The following GABRB1 variants were observed in gnomAD, a reference collection of about 807,000 sequenced individuals.
GABRB1 encodes the protein gamma-aminobutyric acid type A receptor subunit beta1.
GABRB1 carries 17 observed loss-of-function variants against 51.6 expected under a neutral mutation model. The ratio of observed to expected loss-of-function variants is 0.33; its 90% CI spans 0.23 to 0.49. The LOEUF is 0.49. GABRB1 is among the 20% of genes least tolerant of loss of function. The pLI, the probability that GABRB1 is intolerant of heterozygous loss-of-function variation, is 0.99. For synonymous variants in GABRB1, 247 were observed against 218.9 expected, an observed-to-expected ratio of 1.13 and a Z score of -1.14; for missense variants, 410 against 600.6, an observed-to-expected ratio of 0.68 and a Z score of 3.32.
intron 4 of GABRB1, among the ~76,000 whole-genome samples, chr4:47,280,814 A>ATTTTTT (rs750413197): frequency 8.0e-6 from 1 of 124,984 alleles, no homozygotes; most frequent in Non-Finnish European, 1.7e-5. Context: ...TGTCTGGCTA[A>ATTTTTT]TTTTTTTTTT....
intron 4 of GABRB1, among the ~76,000 whole-genome samples, chr4:47,210,428 T>C (rs950044900): frequency 6.6e-6 from 1 of 152,130 alleles, no homozygotes; most frequent in Non-Finnish European, 1.5e-5. Flanking sequence ...CTCAGGGATC[T>C]ACAGATTTTC....
intron 3 of GABRB1, among the ~76,000 whole-genome samples, chr4:47,079,312 G>A (rs771604745): frequency 3.9e-4 from 59 of 152,222 alleles, no homozygotes; most frequent in Admixed American, 7.9e-4. Flanking sequence ...TCTATTCAGA[G>A]ATTCAATTTC....
chr4:47,387,080 A>T (rs1336996329), intron 5 of GABRB1, among the ~76,000 whole-genome samples: 2 of 152,210 alleles, frequency 1.3e-5, no homozygotes, highest in East Asian at 3.9e-4. Context: ...GCCAGTCCAC[A>T]TTTGTCTCAA....
chr4:47,187,461 C>T (rs1719227373), intron 4 of GABRB1, among the ~76,000 whole-genome samples: 1 of 151,806 alleles, frequency 6.6e-6, no homozygotes, highest in Non-Finnish European at 1.5e-5. Context: ...AACAGCAGTT[C>T]CTTGGGATCA....
chr4:47,022,701 G>C (rs1453129982), intron 1 of GABRB1, among the ~76,000 whole-genome samples: 1 of 152,112 alleles, frequency 6.6e-6, no homozygotes, highest in Admixed American at 6.6e-5. Context: ...CACTGTTGGT[G>C]AGAATGTAAA....
chr4:47,293,822 G>C (rs1002432888), intron 4 of GABRB1, among the ~76,000 whole-genome samples: 25 of 152,284 alleles, frequency 1.6e-4, no homozygotes, highest in Admixed American at 1.4e-3. Context: ...TGTAAGCAAA[G>C]TAATGAACTT....
At chr4:47,046,163 G>A (rs919854823) in intron 3 of GABRB1, among the ~76,000 whole-genome samples, 1 of 151,978 alleles carries the variant, frequency 6.6e-6, no homozygotes, top group African/African-American at 2.4e-5. Flanking sequence ...GTTTCCTGAG[G>A]CCTCCCCAGC....
chr4:47,144,445 A>T (rs928588879), intron 3 of GABRB1, among the ~76,000 whole-genome samples: 4 of 151,926 alleles, frequency 2.6e-5, no homozygotes, highest in African/African-American at 9.7e-5. Flanking sequence ...TCATATACCA[A>T]TCACAAAAGT....
chr4:47,204,377 C>T (rs1470624448), intron 4 of GABRB1, among the ~76,000 whole-genome samples: 2 of 152,130 alleles, frequency 1.3e-5, no homozygotes, highest in African/African-American at 2.4e-5. Context: ...CACAATGGTG[C>T]TTGCACTTTA....
intron 3 of GABRB1, among the ~76,000 whole-genome samples, chr4:47,113,812 T>A (rs1355459713): frequency 6.6e-6 from 1 of 152,262 alleles, no homozygotes; most frequent in African/African-American, 2.4e-5. Flanking sequence ...AAATATTTTC[T>A]ATTTTTCAAT....
intron 4 of GABRB1, among the ~76,000 whole-genome samples, chr4:47,204,043 G>C (rs1720014034): frequency 6.6e-6 from 1 of 152,130 alleles, no homozygotes; most frequent in African/African-American, 2.4e-5. Context: ...AGAAGATAAA[G>C]GCTGAGAAAT....
rs1444913082 is a variant in GABRB1 at position 47,161,296 on chromosome 4, G to A, written c.288G>A (p.Arg96=). The A allele has an allele frequency of 1.9e-6, 3 of 1,611,932 alleles. No individual in the cohort carries two copies. The highest frequency in any genetic ancestry group is 1.7e-6 in the Non-Finnish European group (2 of 1,179,102). The change falls in exon 4 of 9, where the codon AGG becomes AGA. Residue 96 remains arginine (R), a synonymous_variant. Coordinates refer to ENST00000295454, the MANE Select transcript of GABRB1 (RefSeq NM_000812.4). ...MYFQQSWKDK[R]LSYSGIPLNL... is the part of the protein sequence containing the mutation. ...TCCAGCAGTCTTGGAAAGACAAAAGGCTTTCTTATTCTGGAATCCCACTGA... is the reference window on the plus strand; with the variant it reads ...TCCAGCAGTCTTGGAAAGACAAAAGACTTTCTTATTCTGGAATCCCACTGA...
chr4:47,133,512 T>C (rs779884496), intron 3 of GABRB1, among the ~76,000 whole-genome samples: 4 of 152,216 alleles, frequency 2.6e-5, no homozygotes, highest in Non-Finnish European at 5.9e-5. Context: ...TTATTTATTA[T>C]TTAATTCAGT....
intron 4 of GABRB1, among the ~76,000 whole-genome samples, chr4:47,224,866 A>C (rs1720894092): frequency 6.6e-6 from 1 of 151,748 alleles, no homozygotes; most frequent in Non-Finnish European, 1.5e-5. Context: ...TTTCTCATGC[A>C]TTTTGTCTTT....
At chr4:47,344,339 G>T (rs897358366) in intron 5 of GABRB1, among the ~76,000 whole-genome samples, 1 of 152,178 alleles carries the variant, frequency 6.6e-6, no homozygotes, top group African/African-American at 2.4e-5. Flanking sequence ...CTGTGTTCGG[G>T]TATAAAAAGA....
chr4:47,258,010 T>C (rs13135937), intron 4 of GABRB1, among the ~76,000 whole-genome samples: 2 of 152,172 alleles, frequency 1.3e-5, no homozygotes, highest in Admixed American at 1.3e-4. Flanking sequence ...AACAAACTTG[T>C]ACATGATGTA....
intron 3 of GABRB1, among the ~76,000 whole-genome samples, chr4:47,137,884 A>G (rs898374615): frequency 2.0e-5 from 3 of 152,162 alleles, no homozygotes; most frequent in African/African-American, 7.2e-5. Context: ...ATATATAAAC[A>G]AAGGAATGCA....
At chr4:47,258,644 A>G (rs530568301) in intron 4 of GABRB1, among the ~76,000 whole-genome samples, 54 of 152,332 alleles carry the variant, frequency 3.5e-4, no homozygotes, top group African/African-American at 1.3e-3. Context: ...CAAAAGAATG[A>G]CAATGTATTA....
intron 3 of GABRB1, among the ~76,000 whole-genome samples, chr4:47,093,416 G>C (rs529650830): frequency 2.0e-5 from 3 of 152,136 alleles, no homozygotes; most frequent in Admixed American, 2.0e-4. Flanking sequence ...TAATCAATGA[G>C]CAATGTTCTC....
Sources: allele counts gnomAD v4.1 joint callset (sites outside exome capture counted in the v4.1 genomes callset), GRCh38; gene constraint gnomAD v4.1.1; transcripts MANE v1.5; gene names NCBI Gene and HGNC (gene_info 2026-07-23, HGNC 2026-07-21).